The following CSMD1 variants were observed in gnomAD, a reference collection of about 807,000 sequenced individuals.
The protein encoded by CSMD1 is CUB and Sushi multiple domains 1.
Under a neutral mutation model 417.5 loss-of-function variants are expected in CSMD1, and 213 were observed. That is an observed-to-expected ratio of 0.51 (90% CI 0.46 to 0.57). The LOEUF (loss-of-function observed/expected upper bound fraction) is 0.57, where lower values mean the gene tolerates loss of function less well. Ranked by LOEUF, CSMD1 falls within the 20% of genes least tolerant of loss-of-function variation. The probability of loss-of-function intolerance (pLI) is 0.00; values close to 1 mark genes in which losing one functional copy is unlikely to be tolerated. For missense variants in CSMD1, 6,923 were observed against 4,529.7 expected, an observed-to-expected ratio of 1.53 and a Z score of -15.17; for synonymous variants, 2,862 against 1,736.8, an observed-to-expected ratio of 1.65 and a Z score of -16.11.
chr8:3,188,137 A>T (rs572080741), intron 35 of CSMD1, among the ~76,000 whole-genome samples, 172 bp from the exon 36 acceptor site: 35 of 147,812 alleles, frequency 2.4e-4, no homozygotes, highest in African/African-American at 5.7e-4. Context: ...TGCCATATAT[A>T]TATACATATA....
At chr8:4,070,261 C>T (rs1360279062) in intron 3 of CSMD1, among the ~76,000 whole-genome samples, 1 of 152,060 alleles carries the variant, frequency 6.6e-6, no homozygotes, top group Non-Finnish European at 1.5e-5. Context: ...ACATGCAATT[C>T]AAACTCTAAA....
intron 3 of CSMD1, among the ~76,000 whole-genome samples, chr8:4,246,157 G>C (rs553321636): frequency 1.3e-5 from 2 of 152,052 alleles, no homozygotes; most frequent in African/African-American, 4.8e-5. Context: ...TTATTTTCCT[G>C]ATCCCCTCTT....
intron 1 of CSMD1, among the ~76,000 whole-genome samples, chr8:4,812,955 G>C (rs977830929): frequency 1.3e-5 from 2 of 152,080 alleles, no homozygotes; most frequent in Non-Finnish European, 2.9e-5. Context: ...AAAAATGTAA[G>C]AATAAACAAT....
chr8:4,893,238 T>C (rs1804245159), intron 1 of CSMD1, among the ~76,000 whole-genome samples: 1 of 152,170 alleles, frequency 6.6e-6, no homozygotes, highest in Non-Finnish European at 1.5e-5. Flanking sequence ...TTCTTTTAAT[T>C]GCCTACTTAA....
chr8:4,838,793 G>A (rs779934198), intron 1 of CSMD1, among the ~76,000 whole-genome samples: 23 of 152,146 alleles, frequency 1.5e-4, no homozygotes, highest in Non-Finnish European at 2.5e-4. Context: ...GGTCGGAACC[G>A]ACAGACACTG....
chr8:2,961,391 T>A (rs1340714296), intron 61 of CSMD1, among the ~76,000 whole-genome samples, 177 bp from the exon 62 acceptor site: 1 of 152,226 alleles, frequency 6.6e-6, no homozygotes, highest in Non-Finnish European at 1.5e-5. Context: ...CTTCAAGACA[T>A]GTTTTTTAGA....
In CSMD1 at chr8:3,997,891, C is replaced by T; in HGVS notation, c.818+12G>A. ...ACCTGTATCCTTTGTGGCATCTCTT[C>T]CCGGGACTTACCATATGGATGGAGC... On this transcript the variant is annotated intron_variant, in intron 5 of 69. Transcript: ENST00000635120. 1 of 1,607,844 alleles carries T rather than the reference C, an allele frequency of 6.2e-7. No individual in the cohort carries two copies. Among genetic ancestry groups the T allele is most frequent in the South Asian group, 1.1e-5 (1 of 89,686 alleles).
intron 1 of CSMD1, among the ~76,000 whole-genome samples, chr8:4,792,079 A>G (rs1310406229): frequency 1.3e-5 from 2 of 152,064 alleles, no homozygotes; most frequent in East Asian, 3.9e-4. Flanking sequence ...TTTAACTTTA[A>G]TTCTTTCTAT....
chr8:4,794,907 G>A (rs751092103), intron 1 of CSMD1, among the ~76,000 whole-genome samples: 2 of 152,078 alleles, frequency 1.3e-5, no homozygotes, highest in African/African-American at 2.4e-5. Context: ...AATTAAATCA[G>A]GAGTTGGTCA....
chr8:3,840,117 C>G (rs1234324210), intron 5 of CSMD1, among the ~76,000 whole-genome samples: 1 of 152,026 alleles, frequency 6.6e-6, no homozygotes, highest in Non-Finnish European at 1.5e-5. Context: ...GTTAAAAAGA[C>G]CTATTATGAA....
At chr8:4,867,773 A>C (rs1213619718) in intron 1 of CSMD1, among the ~76,000 whole-genome samples, 3 of 152,116 alleles carry the variant, frequency 2.0e-5, no homozygotes, top group Admixed American at 2.0e-4. Flanking sequence ...GCTTAAAGAT[A>C]AGAGTGTTTT....
At chr8:4,925,036 G>A (rs143139701) in intron 1 of CSMD1, among the ~76,000 whole-genome samples, 1 of 151,932 alleles carries the variant, frequency 6.6e-6, no homozygotes, top group Non-Finnish European at 1.5e-5. Context: ...CAAGTGACTT[G>A]AATTACTACA....
rs1190830346 is a variant in CSMD1, at chr8:3,534,310, G to C, written c.1345-40584C>G. The stretch of plus-strand genomic sequence containing the variant: ...TATTAATTTCCTTCATCTTTACCTT[G>C]ATGTAAGCTCCTTGGAGACCTGTTT... On this transcript the variant is annotated intron_variant, in intron 10 of 69. Transcript: ENST00000635120. Among the ~76,000 whole-genome samples, 8 of 151,986 alleles carry C rather than the reference G, an allele frequency of 5.3e-5. No homozygotes were observed. The East Asian group carries it at 1.2e-3, about 22-fold the overall frequency.
At chr8:4,173,919 G>T (rs2656281) in intron 3 of CSMD1, among the ~76,000 whole-genome samples, 4 of 151,944 alleles carry the variant, frequency 2.6e-5, no homozygotes, top group Admixed American at 6.5e-5. Flanking sequence ...ATGGCTCAGG[G>T]TATGAACTAG....
At chr8:3,241,864 T>G (rs1799553913) in intron 26 of CSMD1, among the ~76,000 whole-genome samples, 1 of 152,194 alleles carries the variant, frequency 6.6e-6, no homozygotes, top group East Asian at 1.9e-4. Flanking sequence ...GAAGGCGACG[T>G]TAATTAAGTC....
intron 10 of CSMD1, among the ~76,000 whole-genome samples, chr8:3,543,304 T>C (rs1798521582): frequency 6.6e-6 from 1 of 152,194 alleles, no homozygotes; most frequent in Non-Finnish European, 1.5e-5. Flanking sequence ...TAGAATAATT[T>C]ATGTTTTTAG....
chr8:4,325,447 C>G (rs749496537), intron 3 of CSMD1, among the ~76,000 whole-genome samples: 1 of 152,172 alleles, frequency 6.6e-6, no homozygotes, highest in Non-Finnish European at 1.5e-5. Context: ...ATGGTATTTA[C>G]TTCATGTAAG....
chr8:3,183,836 C>A (rs1163816069), intron 36 of CSMD1, among the ~76,000 whole-genome samples: 1 of 152,216 alleles, frequency 6.6e-6, no homozygotes, highest in Non-Finnish European at 1.5e-5. Context: ...CAAATTATTT[C>A]ACTTAATTCA....
chr8:3,959,760 G>A (rs1384113734), intron 5 of CSMD1, among the ~76,000 whole-genome samples: 1 of 152,168 alleles, frequency 6.6e-6, no homozygotes, highest in Non-Finnish European at 1.5e-5. Context: ...ACTTAGGTAT[G>A]TCTTCAGTTT....
Sources: gnomAD v4.1 joint callset for allele counts (sites outside exome capture counted in the v4.1 genomes callset) on GRCh38, gnomAD v4.1.1 for gene constraint, MANE v1.5 for transcripts, NCBI Gene and HGNC (gene_info 2026-07-23, HGNC 2026-07-21) for gene names.